The following FAM107B variants were observed in gnomAD, a reference collection of about 807,000 sequenced individuals.
The protein encoded by FAM107B is family with sequence similarity 107 member B, also known as protein FAM107B.
Under a neutral mutation model 31.5 loss-of-function variants are expected in FAM107B, and 21 were observed. The observed-to-expected ratio is 0.67, with a 90% confidence interval of 0.47 to 0.96. The LOEUF is 0.96. Among genes scored for constraint, FAM107B ranks in the 40% least tolerant of loss-of-function variants. The pLI is 0.00. For missense variants in FAM107B, 452 were observed against 377.1 expected (o/e 1.20, Z -1.64); for synonymous variants, 157 against 141.5 (o/e 1.11, Z -0.78).
intron 1 of FAM107B, among the ~76,000 whole-genome samples, chr10:14,677,501 G>T (rs981457920): frequency 6.6e-6 from 1 of 152,100 alleles, no homozygotes; most frequent in African/African-American, 2.4e-5. Context: ...GGCGCCTGTA[G>T]TCCCAGCTAC....
chr10:14,553,327 T>C (rs1231178095), intron 2 of FAM107B: 11 of 1,266,186 alleles, frequency 8.7e-6, no homozygotes, highest in Non-Finnish European at 1.1e-5. Context: ...CTTACTAAAA[T>C]ACTTTGTAAA....
At chr10:14,548,621 G>C in intron 2 of FAM107B, 3 of 985,478 alleles carry the variant, frequency 3.0e-6, no homozygotes, top group Admixed American at 6.1e-5. Flanking sequence ...CCCCTGAGGA[G>C]GGCTCTCTCC....
chr10:14,644,928 T>A (rs1853716042), intron 2 of FAM107B, among the ~76,000 whole-genome samples: 1 of 152,226 alleles, frequency 6.6e-6, no homozygotes, highest in Non-Finnish European at 1.5e-5. Flanking sequence ...GCATATCTGG[T>A]CTAGTAGGTG....
chr10:14,635,272 A>T (rs1853469191), intron 2 of FAM107B, among the ~76,000 whole-genome samples: 1 of 152,180 alleles, frequency 6.6e-6, no homozygotes, highest in Non-Finnish European at 1.5e-5. Context: ...GAACAGGAGC[A>T]AGAAACCAGG....
chr10:14,548,214 G>T (rs184015589), intron 2 of FAM107B, among the ~76,000 whole-genome samples: 41 of 152,298 alleles, frequency 2.7e-4, no homozygotes, highest in African/African-American at 9.6e-4. Flanking sequence ...AGGGGAGCAA[G>T]ACGTGGTCCA....
chr10:14,733,509 C>A (rs548976055), intron 1 of FAM107B, among the ~76,000 whole-genome samples: 32 of 152,236 alleles, frequency 2.1e-4, no homozygotes, highest in African/African-American at 7.7e-4. Context: ...TAGAGTGACA[C>A]CAGTCTGTCT....
intron 2 of FAM107B, among the ~76,000 whole-genome samples, chr10:14,567,368 A>C (rs79991774): frequency 0.021 from 3,247 of 152,234 alleles, 116 homozygotes; most frequent in African/African-American, 0.074. Flanking sequence ...GTGGAAAGAT[A>C]ATCTGCCGAG....
chr10:14,647,338 G>A (rs1035802520), intron 2 of FAM107B, among the ~76,000 whole-genome samples: 10 of 152,114 alleles, frequency 6.6e-5, no homozygotes, highest in Admixed American at 2.6e-4. Flanking sequence ...GCTACAAATC[G>A]ATACTAACCA....
chr10:14,689,214 TA>T (rs906141319), intron 1 of FAM107B, among the ~76,000 whole-genome samples: 3 of 151,170 alleles, frequency 2.0e-5, no homozygotes, highest in Non-Finnish European at 2.9e-5. Flanking sequence ...ACCTCATCTC[TA>T]AAAAAAATAC....
intron 2 of FAM107B, among the ~76,000 whole-genome samples, chr10:14,589,338 A>G (rs550213309): frequency 1.2e-4 from 19 of 152,332 alleles, no homozygotes; most frequent in African/African-American, 3.8e-4. Flanking sequence ...TGAACCATCT[A>G]TAATCTGAAA....
At chr10:14,652,593 A>G (rs532150097) in intron 2 of FAM107B, 1 of 152,342 alleles carries the variant, frequency 6.6e-6, no homozygotes, top group African/African-American at 2.4e-5. Context: ...AGAATTAAGT[A>G]AAAAATCCAT....
intron 2 of FAM107B, among the ~76,000 whole-genome samples, chr10:14,610,796 AG>A (rs1852706494): frequency 6.6e-6 from 1 of 152,254 alleles, no homozygotes; most frequent in Non-Finnish European, 1.5e-5. Flanking sequence ...CCACTACAAA[AG>A]CATTTTGCAA....
At chr10:14,548,773 G>C in intron 2 of FAM107B, 1 of 397,296 alleles carries the variant, frequency 2.5e-6, no homozygotes, top group Non-Finnish European at 3.4e-6. Context: ...AGAGGGGATG[G>C]CAACGGCTGT....
intron 1 of FAM107B, among the ~76,000 whole-genome samples, chr10:14,757,958 A>G (rs965965543): frequency 4.6e-5 from 7 of 152,138 alleles, no homozygotes; most frequent in Non-Finnish European, 1.0e-4. Flanking sequence ...GTAAGTTTTG[A>G]AAGATCTCCA....
chr10:14,595,405 C>G (rs1406871401), intron 2 of FAM107B, among the ~76,000 whole-genome samples: 3 of 146,602 alleles, frequency 2.0e-5, no homozygotes, highest in African/African-American at 7.6e-5. Flanking sequence ...TCTGGCTCAG[C>G]TTCTTCCTAG....
chr10:14,538,537 AG>A (rs1325534885), intron 2 of FAM107B, among the ~76,000 whole-genome samples: 1 of 152,242 alleles, frequency 6.6e-6, no homozygotes, highest in African/African-American at 2.4e-5. Flanking sequence ...GTTAGGTGTC[AG>A]GATAATGCTT....
chr10:14,649,335 T>C (rs572889884), intron 2 of FAM107B, among the ~76,000 whole-genome samples: 51 of 152,360 alleles, frequency 3.3e-4, no homozygotes, highest in African/African-American at 1.2e-3. Context: ...CTGTCTCTTG[T>C]GGGGAAAACC....
At chr10:14,679,500 A>G (rs1476851118) in intron 1 of FAM107B, among the ~76,000 whole-genome samples, 2 of 152,212 alleles carry the variant, frequency 1.3e-5, no homozygotes, top group African/African-American at 4.8e-5. Context: ...TGATGTATGT[A>G]AAACTACTTC....
intron 2 of FAM107B, among the ~76,000 whole-genome samples, chr10:14,589,974 T>C (rs940376905): frequency 3.3e-5 from 5 of 152,190 alleles, no homozygotes; most frequent in African/African-American, 1.2e-4. Flanking sequence ...AGGGTTGTCA[T>C]GAGGATCCAA....
Sources: allele counts gnomAD v4.1 joint callset (sites outside exome capture counted in the v4.1 genomes callset), GRCh38; gene constraint gnomAD v4.1.1; transcripts MANE v1.5; gene names NCBI Gene and HGNC (gene_info 2026-07-23, HGNC 2026-07-21).